The following COX14 variants were observed in gnomAD, a reference collection of about 807,000 sequenced individuals.
COX14 encodes cytochrome c oxidase assembly protein COX14.
In COX14, 3 loss-of-function variants were observed where a neutral mutation model predicts 5.8. The observed-to-expected ratio is 0.51, with a 90% CI of 0.23 to 1.33. The LOEUF (loss-of-function observed/expected upper bound fraction) is 1.33, where lower values mean the gene tolerates loss of function less well. COX14 is among the 40% of genes most tolerant of loss of function. The pLI is 0.18. For synonymous variants in COX14, 25 were observed against 26.1 expected, an observed-to-expected ratio of 0.96 and a Z score of 0.13; for missense variants, 72 against 72.1, an observed-to-expected ratio of 1.00 and a Z score of 0.01.
chr12:50,113,998 C>G (rs900950427), intron 1 of COX14, among the ~76,000 whole-genome samples: 1 of 151,314 alleles, frequency 6.6e-6, no homozygotes, highest in African/African-American at 2.4e-5. Context: ...AGTGCAGGGC[C>G]GTGATCACAG....
At chr12:50,117,398 T>G (rs1051462444) in intron 1 of COX14, among the ~76,000 whole-genome samples, 1 of 152,068 alleles carries the variant, frequency 6.6e-6, no homozygotes, top group Non-Finnish European at 1.5e-5. Flanking sequence ...TTTAAGTGTC[T>G]CTGCCTACAG....
rs545267071 is a variant in COX14 at position 50,116,594 on chromosome 12, A to G, written c.-8-3442A>G. ...TCCAGCCCTTGGAAGAGGTGGTCCT[A>G]TAATTGTTAAGCATCTAGCTAGGGT... On this transcript the variant is annotated intron_variant, in intron 1 of 1. Transcript: ENST00000550487. 3.3e-5 allele frequency among the ~76,000 whole-genome samples: 5 copies of G among 152,284 alleles called. No homozygotes were observed. In the East Asian group the frequency reaches 7.7e-4, roughly 24 times the overall value.
chr12:50,113,491 G>A (rs1001533702), intron 1 of COX14, among the ~76,000 whole-genome samples: 4 of 150,558 alleles, frequency 2.7e-5, no homozygotes, highest in African/African-American at 9.8e-5. Context: ...TTTTAGTAGA[G>A]ATGGGGTTTC....
chr12:50,118,521 A>C (rs1370161643), intron 1 of COX14: 27 of 697,170 alleles, frequency 3.9e-5, no homozygotes, highest in Non-Finnish European at 4.8e-5. Flanking sequence ...TAATCCCAGC[A>C]CTTTGGGAGG....
In COX14 at chr12:50,120,277, C is replaced by T. The variant is rs1951119429; in HGVS notation, c.*60C>T. On this transcript the variant is annotated 3_prime_UTR_variant, in exon 2 of 2. Transcript: ENST00000550487. ...CAAGGCATGCTGTGGAGAGACTTCA[C>T]CTGCCACCATTTCCAGGTCAACAGG... The T allele has an allele frequency of 1.4e-6, 2 of 1,412,990 alleles. No homozygotes were observed. Among genetic ancestry groups the T allele is most frequent in the East Asian group, 2.3e-5 (1 of 43,472 alleles). The allele number at this position is 1,412,990 out of a possible 1,614,324, so 87.5% of individuals were successfully genotyped here.
Position 50,118,518 on chromosome 12 carries a change from A to G in COX14, c.-8-1518A>G, listed in dbSNP as rs1951103023. ...GCGCGGTGGCTCACGCCGTAATCCC[A>G]GCACTTTGGGAGGCCAAGGCGAGTG... On this transcript the variant is annotated intron_variant, in intron 1 of 1. Coordinates refer to ENST00000550487, the MANE Select transcript of COX14 (RefSeq NM_032901.4). 11 of 759,722 alleles carry G rather than the reference A, an allele frequency of 1.4e-5. No homozygotes were observed. In the South Asian group the frequency reaches 6.6e-4, roughly 46 times the overall value. The allele number at this position is 759,722 out of a possible 1,614,324, so 47.1% of individuals were successfully genotyped here.
At chr12:50,116,120 T>C (rs1430812525) in intron 1 of COX14, among the ~76,000 whole-genome samples, 2 of 149,366 alleles carry the variant, frequency 1.3e-5, no homozygotes, top group African/African-American at 2.5e-5. Flanking sequence ...TGAGACAGAG[T>C]CTTGCTCTGT....
At chr12:50,114,037 A>G (rs1161011989) in intron 1 of COX14, among the ~76,000 whole-genome samples, 2 of 151,728 alleles carry the variant, frequency 1.3e-5, no homozygotes, top group East Asian at 3.9e-4. Context: ...TCGTTGGCTC[A>G]GGCAAGCCTC....
rs777523105 is a variant in COX14 at position 50,120,184 on chromosome 12, C to T, written c.141C>T (p.Ala47=). 1.4e-5 allele frequency: 22 copies of T among 1,614,016 alleles called. No homozygotes were observed. The highest frequency in any genetic ancestry group is 1.7e-5 in the Admixed American group (1 of 60,002). The change falls in exon 2 of 2, where the codon GCC becomes GCT. Residue 47 remains alanine, a synonymous_variant. Coordinates refer to ENST00000550487, the MANE Select transcript of COX14 (RefSeq NM_032901.4). The part of the protein sequence containing the change: ...YFQWRRAQRQ[A]AEEQKTSGIM Reference sequence around the variant, plus strand: ...AGTGGCGCAGGGCCCAGCGCCAGGCCGCAGAAGAACAGAAGACCTCAGGAA... The same window carrying T: ...AGTGGCGCAGGGCCCAGCGCCAGGCTGCAGAAGAACAGAAGACCTCAGGAA...
intron 1 of COX14, chr12:50,112,532 A>T (rs1467575739): frequency 2.1e-6 from 2 of 947,096 alleles, no homozygotes; most frequent in Non-Finnish European, 2.5e-6. Context: ...TAATCCTGTC[A>T]AACCTCGACT....
intron 1 of COX14, among the ~76,000 whole-genome samples, chr12:50,115,778 G>A (rs986207396): frequency 6.6e-6 from 1 of 150,924 alleles, no homozygotes; most frequent in African/African-American, 2.4e-5. Context: ...TCTCAAACTC[G>A]TGGGCTCAAC....
Position 50,112,257 on chromosome 12 carries a change from G to T in COX14, c.-53G>T, listed in dbSNP as rs887455872. ...AGACAGTGGCCTCGAGACCCTGCCT[G>T]CCTGAGGAGGCCTCGGTTGGATGCG... On this transcript the variant is annotated 5_prime_UTR_variant, in exon 1 of 2. Coordinates refer to ENST00000550487, the MANE Select transcript of COX14 (RefSeq NM_032901.4). 3 of 979,114 alleles carry T rather than the reference G, an allele frequency of 3.1e-6. No homozygotes were observed. Among genetic ancestry groups the T allele is most frequent in the African/African-American group, 1.7e-5 (1 of 57,218 alleles). The allele number at this position is 979,114 out of a possible 1,614,324, so 60.7% of individuals were successfully genotyped here.
intron 1 of COX14, among the ~76,000 whole-genome samples, chr12:50,116,994 C>T (rs17124432): frequency 0.34 from 51,591 of 151,830 alleles, 8,999 homozygotes; most frequent in South Asian, 0.39. Flanking sequence ...ACCAGCGAAT[C>T]CTGAGCTTTA....
Position 50,120,258 on chromosome 12 carries a change from A to G in COX14, c.*41A>G, listed in dbSNP as rs368419278. ...TCTCCTGAGCAGAGAGGCCCAAGGC[A>G]TGCTGTGGAGAGACTTCACCTGCCA... On this transcript the variant is annotated 3_prime_UTR_variant, in exon 2 of 2. Transcript: ENST00000550487. 9.5e-5 allele frequency: 148 copies of G among 1,565,448 alleles called. No homozygotes were observed. The highest frequency in any genetic ancestry group is 1.2e-4 in the Non-Finnish European group (143 of 1,144,158).
chr12:50,113,649 TTGAGACGGA>T (rs1951051384), intron 1 of COX14, among the ~76,000 whole-genome samples: 1 of 151,518 alleles, frequency 6.6e-6, no homozygotes, highest in Admixed American at 6.6e-5. Flanking sequence ...ATTTATTTTT[TTGAGACGGA>T]GTCTCGCCCT....
chr12:50,117,399 C>G lies in COX14; in HGVS notation c.-8-2637C>G, dbSNP rs1303520829. The stretch of plus-strand genomic sequence containing the variant: ...GTAAGGGGCGGGATTTTAAGTGTCT[C>G]TGCCTACAGTGCTGAGAGCCATTAA... On this transcript the variant is annotated intron_variant, in intron 1 of 1. Transcript: ENST00000550487. Among the ~76,000 whole-genome samples, 3 of 152,016 alleles carry G rather than the reference C, an allele frequency of 2.0e-5. No individual in the cohort carries two copies. The South Asian group carries it at 6.2e-4, about 32-fold the overall frequency.
intron 1 of COX14, among the ~76,000 whole-genome samples, chr12:50,117,625 T>C (rs7967705): frequency 0.71 from 106,080 of 149,384 alleles, 38,920 homozygotes; most frequent in East Asian, 0.92. Context: ...GTTGCCCAGG[T>C]TGGAGTGCAA....
chr12:50,115,074 T>A (rs536520407), intron 1 of COX14, among the ~76,000 whole-genome samples: 1 of 149,278 alleles, frequency 6.7e-6, no homozygotes, highest in Admixed American at 6.7e-5. Context: ...CCGGTTTTTT[T>A]TTTTTTTTTT....
intron 1 of COX14, among the ~76,000 whole-genome samples, chr12:50,118,773 T>C (rs1171617304): frequency 6.6e-6 from 1 of 152,082 alleles, no homozygotes; most frequent in African/African-American, 2.4e-5. Flanking sequence ...TCTCAAAAAA[T>C]ATATCTATAT....
Sources: gnomAD v4.1 joint callset for allele counts (sites outside exome capture counted in the v4.1 genomes callset) on GRCh38, gnomAD v4.1.1 for gene constraint, MANE v1.5 for transcripts, NCBI Gene and HGNC (gene_info 2026-07-23, HGNC 2026-07-21) for gene names.